Variants in OXR1 observed in about 807,000 individuals in gnomAD.
OXR1 encodes oxidation resistance 1.
Under a neutral mutation model 104.6 loss-of-function variants are expected in OXR1, and 41 were observed. That is an observed-to-expected ratio of 0.39 (90% confidence interval 0.31 to 0.51). The LOEUF is 0.51. OXR1 is among the 20% of genes least tolerant of loss of function. The pLI, the probability that OXR1 is intolerant of heterozygous loss-of-function variation, is 0.77. For missense variants in OXR1, 955 were observed against 1,031.9 expected (o/e 0.93, Z 1.02); for synonymous variants, 348 against 348.4 (o/e 1.00, Z 0.01).
intron 1 of OXR1, among the ~76,000 whole-genome samples, chr8:106,314,748 A>G (rs985252327): frequency 1.3e-5 from 2 of 152,216 alleles, no homozygotes; most frequent in African/African-American, 4.8e-5. Flanking sequence ...TACCTCTGGC[A>G]TATATAGGCA....
intron 2 of OXR1, among the ~76,000 whole-genome samples, chr8:106,377,597 A>C (rs1816959882): frequency 1.3e-5 from 2 of 152,348 alleles, no homozygotes; most frequent in South Asian, 4.1e-4. Flanking sequence ...GTTCATGGGC[A>C]GCCATGTTCT....
intron 2 of OXR1, among the ~76,000 whole-genome samples, chr8:106,458,787 A>G (rs1192713104): frequency 6.6e-6 from 1 of 152,076 alleles, no homozygotes; most frequent in East Asian, 1.9e-4. Context: ...TGTTTTCCCT[A>G]TTAGGTTTTG....
chr8:106,424,875 C>T (rs954099511), intron 2 of OXR1, among the ~76,000 whole-genome samples: 9 of 151,826 alleles, frequency 5.9e-5, no homozygotes, highest in African/African-American at 9.7e-5. Context: ...TTTTCTTATG[C>T]ATTTTTGTAT....
chr8:106,340,434 T>C (rs1411285422), intron 1 of OXR1, among the ~76,000 whole-genome samples: 1 of 152,174 alleles, frequency 6.6e-6, no homozygotes. Context: ...AGAAGAAAGT[T>C]TAAATTGTCC....
intron 2 of OXR1, among the ~76,000 whole-genome samples, chr8:106,457,631 G>C (rs913798480): frequency 1.3e-5 from 2 of 149,064 alleles, no homozygotes; most frequent in Non-Finnish European, 2.9e-5. Context: ...TCTGATGAAG[G>C]CATAGAAGAC....
intron 1 of OXR1, among the ~76,000 whole-genome samples, chr8:106,315,880 A>G (rs138584246): frequency 1.3e-5 from 2 of 152,332 alleles, no homozygotes; most frequent in South Asian, 2.1e-4. Flanking sequence ...AGGCATGTGG[A>G]GTAGATCAGA....
intron 1 of OXR1, among the ~76,000 whole-genome samples, chr8:106,295,579 A>G (rs188729985): frequency 6.6e-6 from 1 of 152,180 alleles, no homozygotes; most frequent in African/African-American, 2.4e-5. Context: ...TTGCTTTAGT[A>G]TCAGCTGGAG....
At chr8:106,734,163 G>T (rs368619005) in intron 11 of OXR1, among the ~76,000 whole-genome samples, 2 of 151,822 alleles carry the variant, frequency 1.3e-5, no homozygotes, top group African/African-American at 4.8e-5. Context: ...TCTCCATGTT[G>T]CCCCGGCTGT....
chr8:106,470,789 G>A (rs1373414973), intron 2 of OXR1, among the ~76,000 whole-genome samples: 2 of 151,714 alleles, frequency 1.3e-5, no homozygotes, highest in East Asian at 3.9e-4. Flanking sequence ...AGTGAGGTAT[G>A]AAAAGACATA....
At chr8:106,655,389 T>A (rs143825228) in intron 3 of OXR1, among the ~76,000 whole-genome samples, 1 of 152,016 alleles carries the variant, frequency 6.6e-6, no homozygotes, top group East Asian at 1.9e-4. Context: ...GCTGAGTGAC[T>A]TATGTGGCTG....
At chr8:106,694,730 A>G (rs1829721882) in intron 7 of OXR1, among the ~76,000 whole-genome samples, 1 of 110,068 alleles carries the variant, frequency 9.1e-6, no homozygotes, top group Admixed American at 1.1e-4. Flanking sequence ...ATTTTTATAT[A>G]TTTATATATA....
At chr8:106,720,570 G>C (rs1832745000) in intron 11 of OXR1, 1 of 199,012 alleles carries the variant, frequency 5.0e-6, no homozygotes, top group Non-Finnish European at 9.0e-6. Context: ...TATGGAAAAA[G>C]GTTTGTTTAA....
At chr8:106,273,849 A>T (rs1211236671) in intron 1 of OXR1, among the ~76,000 whole-genome samples, 4 of 152,226 alleles carry the variant, frequency 2.6e-5, no homozygotes, top group African/African-American at 9.6e-5. Flanking sequence ...AAGGTGAATC[A>T]TATGCATATG....
intron 3 of OXR1, among the ~76,000 whole-genome samples, chr8:106,613,229 C>T (rs180815651): frequency 2.3e-3 from 357 of 152,234 alleles, no homozygotes; most frequent in African/African-American, 8.2e-3. Context: ...ATGGCTGAAT[C>T]GCCAGTAACC....
chr8:106,437,078 G>T (rs778885207), intron 2 of OXR1, among the ~76,000 whole-genome samples: 1 of 152,058 alleles, frequency 6.6e-6, no homozygotes, highest in Non-Finnish European at 1.5e-5. Flanking sequence ...GATTCATAAG[G>T]CTCCAAAATA....
intron 3 of OXR1, among the ~76,000 whole-genome samples, chr8:106,609,550 G>A (rs745619839): frequency 5.3e-5 from 8 of 152,148 alleles, no homozygotes; most frequent in Non-Finnish European, 1.2e-4. Context: ...AGGTTTTTGT[G>A]TAATTGTGAA....
intron 16 of OXR1, among the ~76,000 whole-genome samples, chr8:106,749,114 G>T (rs993694307): frequency 6.6e-6 from 1 of 151,728 alleles, no homozygotes; most frequent in South Asian, 2.1e-4. Flanking sequence ...AGGCTGAGGC[G>T]GGTGGATCAC....
At chr8:106,476,358 C>A in intron 2 of OXR1, among the ~76,000 whole-genome samples, 1 of 152,022 alleles carries the variant, frequency 6.6e-6, no homozygotes, top group Non-Finnish European at 1.5e-5. Context: ...TGAACCCAAT[C>A]AAGATAAAGG....
At position 106,608,346 on chromosome 8, in the gene OXR1, T is replaced by C. The variant is rs1460037202; in HGVS notation, c.221-70864T>C. ...AAAAACGATGAAAAAAAAATCCATT[T>C]TATCAAGGCTTACCTGTGCTCATGT... On this transcript the variant is annotated intron_variant, in intron 3 of 16. Transcript: ENST00000517566. Among the ~76,000 whole-genome samples the C allele has an allele frequency of 2.0e-5, 3 of 152,194 alleles. No homozygotes were observed. In the East Asian group the frequency reaches 5.8e-4, roughly 29 times the overall value.
Sources: gnomAD v4.1 joint callset for allele counts (sites outside exome capture counted in the v4.1 genomes callset) on GRCh38, gnomAD v4.1.1 for gene constraint, MANE v1.5 for transcripts, NCBI Gene and HGNC (gene_info 2026-07-23, HGNC 2026-07-21) for gene names.